CD226: variants seen among roughly 807,000 people sequenced by gnomAD.
CD226 encodes CD226 molecule, also known as CD226 antigen.
A neutral mutation model predicts 34.9 loss-of-function variants in CD226; 24 were observed. That is an observed-to-expected ratio of 0.69 (90% CI 0.50 to 0.97). The LOEUF is 0.97. Among genes scored for constraint, CD226 ranks in the 50% least tolerant of loss-of-function variants. The pLI is 0.00. For missense variants in CD226, 397 were observed against 412.7 expected (o/e 0.96, Z 0.33); for synonymous variants, 148 against 147.4 (o/e 1.00, Z -0.03).
At position 69,856,049 on chromosome 18, in the gene CD226, A is replaced by G. The variant is rs1406063163; in HGVS notation, c.*8265T>C. ...AAATTACAAATAGACGCAACTATACATTGTCTATAAGAAAGGCACATTAAA... is the reference window on the plus strand; with the variant it reads ...AAATTACAAATAGACGCAACTATACGTTGTCTATAAGAAAGGCACATTAAA... On this transcript the variant is annotated 3_prime_UTR_variant, in exon 6 of 6. Coordinates refer to ENST00000582621, the MANE Select transcript of CD226 (RefSeq NM_001303618.2). 6.6e-6 allele frequency: 1 copy of G among 152,188 alleles called. No homozygotes were observed. The highest frequency in any genetic ancestry group is 1.5e-5 in the Non-Finnish European group (1 of 68,012). 9.4% of individuals were successfully genotyped at this position (152,188 alleles called of 1,614,324 possible). A position where few individuals can be genotyped will look rare whatever the true frequency, so the allele number is the denominator to read the frequency against.
chr18:69,936,126 C>T (rs752871360), intron 2 of CD226, among the ~76,000 whole-genome samples: 9 of 152,158 alleles, frequency 5.9e-5, no homozygotes, highest in South Asian at 2.1e-4. Context: ...AGCCTGTACC[C>T]GTGCCTGTAC....
At chr18:69,905,541 G>A (rs78415209) in intron 2 of CD226, among the ~76,000 whole-genome samples, 115 of 152,306 alleles carry the variant, frequency 7.6e-4, no homozygotes, top group Non-Finnish European at 1.4e-3. Flanking sequence ...GAGAAGGAGA[G>A]TGAGTGGAAG....
intron 2 of CD226, among the ~76,000 whole-genome samples, chr18:69,928,656 T>C (rs1326483848): frequency 1.3e-5 from 2 of 152,210 alleles, no homozygotes; most frequent in Non-Finnish European, 2.9e-5. Flanking sequence ...ATTTACATCA[T>C]ACCAGCTGAA....
At position 69,888,447 on chromosome 18, in the gene CD226, C is replaced by T. The variant is rs575987339; in HGVS notation, c.727+7254G>A. ...TTTTTTTTTTTTTTGGAGACAGGTTCTGGCTCTGTTGCCCAGGCTGCAGTG... is the reference window on the plus strand; with the variant it reads ...TTTTTTTTTTTTTTGGAGACAGGTTTTGGCTCTGTTGCCCAGGCTGCAGTG... On this transcript the variant is annotated intron_variant, in intron 3 of 5. Transcript: ENST00000582621. 5.2e-4 allele frequency among the ~76,000 whole-genome samples: 53 copies of T among 102,654 alleles called. No individual in the cohort carries two copies. The South Asian group carries it at 0.014, about 28-fold the overall frequency. The allele number at this position is 102,654 out of a possible 152,430, so 67.3% of individuals were successfully genotyped here. A position where few individuals can be genotyped will look rare whatever the true frequency, so the allele number is the denominator to read the frequency against.
At chr18:69,876,401 C>A (rs887711924) in intron 3 of CD226, among the ~76,000 whole-genome samples, 1 of 152,134 alleles carries the variant, frequency 6.6e-6, no homozygotes, top group African/African-American at 2.4e-5. Context: ...AATTATAAAT[C>A]CAAATTTCAG....
At chr18:69,899,280 CCTCACTGGTCA>C (rs918454797) in intron 2 of CD226, among the ~76,000 whole-genome samples, 2 of 152,196 alleles carry the variant, frequency 1.3e-5, no homozygotes, top group African/African-American at 4.8e-5. Flanking sequence ...TCCTCACCAT[CCTCACTGGTCA>C]ACAGTTCTGC....
rs780279381 is a variant in CD226 at position 69,896,017 on chromosome 18, A to G, written c.411T>C (p.Asn137=). Residue 137 remains asparagine (N), a synonymous_variant, in exon 3 of 6, where the codon AAT becomes AAC. Coordinates refer to ENST00000582621, the MANE Select transcript of CD226 (RefSeq NM_001303618.2). ...TTCCAGGTTCCGAAACAATGTGGCT[A>G]TTTGATGGCACAGCTGCCTCAAAAC... ...SDSFEAAVPS[N]SHIVSEPGKN... 1 of 1,611,470 alleles carries G rather than the reference A, an allele frequency of 6.2e-7. No homozygotes were observed. The highest frequency in any genetic ancestry group is 2.2e-5 in the East Asian group (1 of 44,868).
intron 2 of CD226, among the ~76,000 whole-genome samples, chr18:69,902,967 T>G (rs2055206287): frequency 6.6e-6 from 1 of 152,150 alleles, no homozygotes; most frequent in Non-Finnish European, 1.5e-5. Flanking sequence ...AAATGAAATG[T>G]TGACTGCATG....
intron 2 of CD226, among the ~76,000 whole-genome samples, chr18:69,938,297 C>T (rs1421387139): frequency 1.3e-5 from 2 of 152,186 alleles, no homozygotes; most frequent in Non-Finnish European, 2.9e-5. Flanking sequence ...CTCTCCCTCC[C>T]AACTCTCCCC....
chr18:69,879,067 T>C (rs1984054042), intron 3 of CD226, among the ~76,000 whole-genome samples: 1 of 151,934 alleles, frequency 6.6e-6, no homozygotes, highest in Non-Finnish European at 1.5e-5. Flanking sequence ...AGGGAGTGTA[T>C]GAATAGGGTG....
chr18:69,882,683 G>A (rs575126154), intron 3 of CD226, among the ~76,000 whole-genome samples: 1 of 152,316 alleles, frequency 6.6e-6, no homozygotes, highest in African/African-American at 2.4e-5. Flanking sequence ...AAGTCAGAAT[G>A]TCAAGAGCTG....
chr18:69,943,813 G>A (rs148529418), intron 2 of CD226, among the ~76,000 whole-genome samples: 1 of 152,266 alleles, frequency 6.6e-6, no homozygotes, highest in African/African-American at 2.4e-5. Context: ...GATTCAAGGA[G>A]GAAGTCTATG....
chr18:69,881,590 T>C (rs1158256112), intron 3 of CD226, among the ~76,000 whole-genome samples: 4 of 152,254 alleles, frequency 2.6e-5, no homozygotes, highest in African/African-American at 9.6e-5. Flanking sequence ...ATTTAGGTTA[T>C]TAATCATGCA....
intron 2 of CD226, among the ~76,000 whole-genome samples, chr18:69,913,636 T>C (rs1483551016): frequency 6.6e-6 from 1 of 152,164 alleles, no homozygotes; most frequent in East Asian, 1.9e-4. Flanking sequence ...AAATTACTGT[T>C]TAAATTACAA....
intron 2 of CD226, among the ~76,000 whole-genome samples, chr18:69,904,828 C>T (rs1466793512): frequency 1.3e-5 from 2 of 152,280 alleles, no homozygotes; most frequent in African/African-American, 2.4e-5. Context: ...CCAGGTTAGA[C>T]AATTTAATGT....
At chr18:69,953,353 A>G (rs1034139713) in intron 1 of CD226, among the ~76,000 whole-genome samples, 7 of 152,268 alleles carry the variant, frequency 4.6e-5, no homozygotes, top group Non-Finnish European at 1.0e-4. Context: ...ACAAATTGTG[A>G]TCAAATCCAT....
chr18:69,926,318 C>T (rs1036812877), intron 2 of CD226, among the ~76,000 whole-genome samples: 2 of 152,088 alleles, frequency 1.3e-5, no homozygotes, highest in African/African-American at 4.8e-5. Flanking sequence ...GCTATTCCTA[C>T]TGCAAGGACA....
chr18:69,869,909 T>C (rs560905347), intron 4 of CD226, among the ~76,000 whole-genome samples: 56 of 150,960 alleles, frequency 3.7e-4, no homozygotes, highest in Admixed American at 3.2e-3. Flanking sequence ...CAAGTGATTC[T>C]CCTGCCTCAG....
At position 69,864,334 on chromosome 18, in the gene CD226, T is replaced by C. The variant is rs1056589871; in HGVS notation, c.991A>G (p.Arg331Gly). The C allele has an allele frequency of 6.2e-7, 1 of 1,613,920 alleles. No homozygotes were observed. The highest frequency in any genetic ancestry group is 1.3e-5 in the African/African-American group (1 of 75,038). ...TAAGCTTAAACTCTAGTCTTTGGTC[T>C]GCGAGAGAAGGTTGGATAGTTGACA... ...IYVNYPTFSR[R>G]PKTRV The change falls in exon 6 of 6, where the codon AGA becomes GGA. Residue 331 changes from arginine to glycine, a missense_variant. By Grantham distance (125) the Arg-to-Gly change is moderately radical. Transcript: ENST00000582621.
Sources: gnomAD v4.1 joint callset for allele counts (sites outside exome capture counted in the v4.1 genomes callset) on GRCh38, gnomAD v4.1.1 for gene constraint, MANE v1.5 for transcripts, NCBI Gene and HGNC (gene_info 2026-07-23, HGNC 2026-07-21) for gene names.